The following PTPN5 variants were observed in gnomAD, a reference collection of about 807,000 sequenced individuals.
PTPN5 encodes protein tyrosine phosphatase non-receptor type 5, also known as tyrosine-protein phosphatase non-receptor type 5.
A neutral mutation model predicts 73.9 loss-of-function variants in PTPN5; 29 were observed. That is an observed-to-expected ratio of 0.39 (90% CI 0.29 to 0.54). The LOEUF (loss-of-function observed/expected upper bound fraction) is 0.54, where lower values mean the gene tolerates loss of function less well. PTPN5 is among the 20% of genes least tolerant of loss of function. The pLI is 0.65. For synonymous variants in PTPN5, 267 were observed against 304.7 expected, an observed-to-expected ratio of 0.88 and a Z score of 1.29; for missense variants, 652 against 751.4, an observed-to-expected ratio of 0.87 and a Z score of 1.55.
At chr11:18,777,970 G>A (rs1024261186) in intron 1 of PTPN5, among the ~76,000 whole-genome samples, 8 of 88,458 alleles carry the variant, frequency 9.0e-5, no homozygotes, top group Non-Finnish European at 1.7e-4. Context: ...AAGGAAGGAA[G>A]GAAGGAAGAA....
At chr11:18,774,665 G>A (rs892242962) in intron 1 of PTPN5, among the ~76,000 whole-genome samples, 2 of 152,246 alleles carry the variant, frequency 1.3e-5, no homozygotes, top group African/African-American at 4.8e-5. Flanking sequence ...TGCATAGGCA[G>A]CATTGAGAGA....
rs185457642 is a variant in PTPN5, at chr11:18,742,241, C to T, written c.725+21G>A. On this transcript the variant is annotated intron_variant, in intron 7 of 14. Coordinates refer to ENST00000358540, the MANE Select transcript of PTPN5 (RefSeq NM_006906.2). This position sits in a 1 kb window ranked among gnomAD's most constrained non-coding sequence, Gnocchi z 4.1. ...AGAGCTCAAGGGCCCGTGGAGCCCA[C>T]CCCTCCTCCACCCCTCCCACCTCTC... 3.8e-3 allele frequency: 6,123 copies of T among 1,613,060 alleles called. 17 individuals are homozygous for T. The highest frequency in any genetic ancestry group is 4.9e-3 in the Non-Finnish European group (5,828 of 1,179,198).
Position 18,733,515 on chromosome 11 carries a change from C to T in PTPN5, c.1080+41G>A. 1 of 1,613,104 alleles carries T rather than the reference C, an allele frequency of 6.2e-7. No homozygotes were observed. Among genetic ancestry groups the T allele is most frequent in the Non-Finnish European group, 8.5e-7 (1 of 1,179,152 alleles). On this transcript the variant is annotated intron_variant, in intron 10 of 14. Transcript: ENST00000358540. The surrounding 1 kb of genome is among the most constrained non-coding windows in gnomAD (Gnocchi z 4.3). ...GGAGGATGGATCCCATCGACTCAGGCCTCCCCTTGAGCAAGAGGCCGTCAG... is the reference window on the plus strand; with the variant it reads ...GGAGGATGGATCCCATCGACTCAGGTCTCCCCTTGAGCAAGAGGCCGTCAG...
Position 18,738,429 on chromosome 11 carries a change from T to C in PTPN5, c.916-465A>G, listed in dbSNP as rs140823675. On this transcript the variant is annotated intron_variant, in intron 8 of 14. Transcript: ENST00000358540. ...GATTCTCCAGAAGGAGAGAAGCCTCTTTCTGAGATCCCAGGAATATCTGCA... is the reference window on the plus strand; with the variant it reads ...GATTCTCCAGAAGGAGAGAAGCCTCCTTCTGAGATCCCAGGAATATCTGCA... Among the ~76,000 whole-genome samples, 12 of 152,314 alleles carry C rather than the reference T, an allele frequency of 7.9e-5. No homozygotes were observed. The East Asian group carries it at 2.3e-3, about 29-fold the overall frequency.
chr11:18,757,254 G>A (rs77580704), intron 3 of PTPN5, among the ~76,000 whole-genome samples: 4,022 of 152,288 alleles, frequency 0.026, 78 homozygotes, highest in Non-Finnish European at 0.04. Flanking sequence ...TCATTTCACA[G>A]TGGAAATGCC....
intron 1 of PTPN5, among the ~76,000 whole-genome samples, chr11:18,780,711 G>A (rs1007921316): frequency 6.6e-6 from 1 of 152,114 alleles, no homozygotes; most frequent in Non-Finnish European, 1.5e-5. Context: ...CTGCTCCCTG[G>A]CTCTCTTGTC....
intron 12 of PTPN5, among the ~76,000 whole-genome samples, chr11:18,731,249 C>CCT: frequency 6.7e-6 from 1 of 148,398 alleles, no homozygotes; most frequent in Non-Finnish European, 1.5e-5. Context: ...TATATACATA[C>CCT]ATATATGATA....
intron 1 of PTPN5, among the ~76,000 whole-genome samples, chr11:18,777,800 C>T (rs999798058): frequency 4.6e-5 from 7 of 152,098 alleles, no homozygotes; most frequent in South Asian, 2.1e-4. Flanking sequence ...AATATGTGAG[C>T]GGAGCATGGT....
In PTPN5 at chr11:18,740,582, G is replaced by A. The variant is rs760959725; in HGVS notation, c.915+21C>T. On this transcript the variant is annotated intron_variant, in intron 8 of 14. Transcript: ENST00000358540. ...GACATGGGTCTGCACACAGTGGGGC[G>A]ACCGGCTCAAGGGAACTCACAAAGA... 4.6e-6 allele frequency: 7 copies of A among 1,519,216 alleles called. No individual in the cohort carries two copies. In the South Asian group the frequency reaches 5.3e-5, roughly 12 times the overall value. 94.1% of individuals were successfully genotyped at this position (1,519,216 alleles called of 1,614,324 possible).
At chr11:18,736,495 T>G (rs1174808049) in intron 9 of PTPN5, among the ~76,000 whole-genome samples, 1 of 152,192 alleles carries the variant, frequency 6.6e-6, no homozygotes, top group Non-Finnish European at 1.5e-5. Context: ...GTGTCCTATT[T>G]ATGTCTAAAT....
At position 18,772,044 on chromosome 11, in the gene PTPN5, GGAGA is replaced by G; in HGVS notation, c.-90_-87del. 9.6e-7 allele frequency: 1 copy of G among 1,037,670 alleles called. No homozygotes were observed. Among genetic ancestry groups the G allele is most frequent in the South Asian group, 1.6e-5 (1 of 63,278 alleles). 64.3% of individuals were successfully genotyped at this position (1,037,670 alleles called of 1,614,324 possible). A position where few individuals can be genotyped will look rare whatever the true frequency, so the allele number is the denominator to read the frequency against. On this transcript the variant is annotated 5_prime_UTR_variant, in exon 2 of 15. Coordinates refer to ENST00000358540, the MANE Select transcript of PTPN5 (RefSeq NM_006906.2). ...AAAGCAAGCTGGTGATATAAATGAA[GGAGA>G]GAGGGCAGCTTCAGATCATCCAGCT...
At chr11:18,778,876 A>ATGT (rs1851291281) in intron 1 of PTPN5, among the ~76,000 whole-genome samples, 1 of 152,196 alleles carries the variant, frequency 6.6e-6, no homozygotes, top group Admixed American at 6.5e-5. Flanking sequence ...TGTGTTGGTT[A>ATGT]CACACCCACC....
rs1053921740 is a variant in PTPN5 at position 18,742,365 on chromosome 11, G to T, written c.622C>A (p.Leu208Ile). 1 of 1,614,192 alleles carries T rather than the reference G, an allele frequency of 6.2e-7. No homozygotes were observed. Among genetic ancestry groups the T allele is most frequent in the Non-Finnish European group, 8.5e-7 (1 of 1,180,038 alleles). Residue 208 changes from leucine to isoleucine, a missense_variant, in exon 7 of 15, where the codon CTC becomes ATC. Leu to Ile is a conservative substitution (Grantham distance 5). Transcript: ENST00000358540. This position sits in a 1 kb window ranked among gnomAD's most constrained non-coding sequence, Gnocchi z 4.1. ...ACAGGAGTCTCGGGCACCGGGTCGA[G>T]GTCCAGGAAGTCATCCTCGATCTTC... The part of the protein sequence containing the change: ...EEKIEDDFLD[L>I]DPVPETPVFD...
At chr11:18,791,016 G>C (rs967867221) in intron 1 of PTPN5, among the ~76,000 whole-genome samples, 2 of 152,168 alleles carry the variant, frequency 1.3e-5, no homozygotes, top group Non-Finnish European at 1.5e-5. Context: ...AGCATGCTGG[G>C]GGAGGGGAGC....
chr11:18,748,574 ACT>A (rs1396177515), intron 3 of PTPN5, among the ~76,000 whole-genome samples: 1 of 151,032 alleles, frequency 6.6e-6, no homozygotes, highest in Non-Finnish European at 1.5e-5. Context: ...TTTCAAACAC[ACT>A]CTATATTCTG....
intron 1 of PTPN5, among the ~76,000 whole-genome samples, chr11:18,773,350 G>A (rs528997038): frequency 5.9e-5 from 9 of 152,184 alleles, no homozygotes; most frequent in Admixed American, 1.3e-4. Flanking sequence ...GGGGGTCTCC[G>A]GGCCTGGGAA....
rs749847951 is a variant in PTPN5, at chr11:18,729,055, C to T, written c.1605-28G>A. 6.2e-7 allele frequency: 1 copy of T among 1,610,934 alleles called. No homozygotes were observed. The highest frequency in any genetic ancestry group is 1.1e-5 in the South Asian group (1 of 90,876). ...GCCCGGCAGAGATGCACAGTGGGGGCAGGGTCGTGGAGGGATGGGCTGTGG... is the reference window on the plus strand; with the variant it reads ...GCCCGGCAGAGATGCACAGTGGGGGTAGGGTCGTGGAGGGATGGGCTGTGG... On this transcript the variant is annotated intron_variant, in intron 14 of 14. Transcript: ENST00000358540. The surrounding 1 kb of genome is among the most constrained non-coding windows in gnomAD (Gnocchi z 5.2).
chr11:18,766,146 A>G (rs979139951), intron 2 of PTPN5, among the ~76,000 whole-genome samples: 2 of 151,946 alleles, frequency 1.3e-5, no homozygotes, highest in African/African-American at 4.8e-5. Context: ...CATCATCATC[A>G]CCTCTACAGT....
chr11:18,785,941 C>A (rs1322177519), intron 1 of PTPN5, among the ~76,000 whole-genome samples: 1 of 152,336 alleles, frequency 6.6e-6, no homozygotes, highest in African/African-American at 2.4e-5. Context: ...GGATCTCCCG[C>A]ATCTGGTGTG....
Sources: gnomAD v4.1 joint callset for allele counts (sites outside exome capture counted in the v4.1 genomes callset) on GRCh38, gnomAD v4.1.1 for gene constraint, Gnocchi (gnomAD v3.1) non-coding constraint, MANE v1.5 for transcripts, NCBI Gene and HGNC (gene_info 2026-07-23, HGNC 2026-07-21) for gene names.